The following NDST4 variants were observed in gnomAD, a reference collection of about 807,000 sequenced individuals.
NDST4 encodes the protein N-heparan sulfate sulfotransferase 4.
In NDST4, 63 loss-of-function variants were observed where a neutral mutation model predicts 100.8. The ratio of observed to expected loss-of-function variants is 0.62; its 90% CI spans 0.51 to 0.77. The LOEUF (loss-of-function observed/expected upper bound fraction) is 0.77. NDST4 is among the 30% of genes least tolerant of loss of function. NDST4 has a pLI of 0.00. For synonymous variants in NDST4, 377 were observed against 361.8 expected (o/e 1.04, Z -0.48); for missense variants, 943 against 1,018.4 (o/e 0.93, Z 1.01).
Position 115,076,277 on chromosome 4 carries a change from CAA to C in NDST4, c.758_759del (p.Phe253CysfsTer11). On this transcript the variant is annotated frameshift_variant, in exon 2 of 14. Coordinates refer to ENST00000264363, the MANE Select transcript of NDST4 (RefSeq NM_022569.3). LOFTEE classifies it high-confidence loss of function. ...SLSSLSSKTL[F>X]ATVIQDLGLH... Reference sequence around the variant, plus strand: ...AGCCCCAGATCCTGAATCACCGTTGCAAAGAGTGTTTTGCTAGACAAGGATGA... The same window carrying C: ...AGCCCCAGATCCTGAATCACCGTTGCAGAGTGTTTTGCTAGACAAGGATGA... 3 of 1,614,006 alleles carry C rather than the reference CAA, an allele frequency of 1.9e-6. No individual in the cohort carries two copies. The highest frequency in any genetic ancestry group is 1.1e-5 in the South Asian group (1 of 91,086).
chr4:114,850,656 C>A (rs1302355747), intron 8 of NDST4, among the ~76,000 whole-genome samples: 1 of 152,022 alleles, frequency 6.6e-6, no homozygotes, highest in Non-Finnish European at 1.5e-5. Context: ...TATATACAAT[C>A]AACTCCTCCT....
chr4:114,988,971 C>A (rs962306228), intron 2 of NDST4, among the ~76,000 whole-genome samples: 19 of 152,038 alleles, frequency 1.2e-4, no homozygotes, highest in African/African-American at 4.3e-4. Flanking sequence ...GCAGATAAAT[C>A]TTTTTCTTGT....
intron 4 of NDST4, among the ~76,000 whole-genome samples, chr4:114,949,328 A>G (rs2126231344): frequency 6.6e-6 from 1 of 152,236 alleles, no homozygotes; most frequent in African/African-American, 2.4e-5. Context: ...AAATAATTTA[A>G]GAGAAAAACT....
chr4:114,973,680 C>A (rs1244218544), intron 3 of NDST4, among the ~76,000 whole-genome samples: 2 of 151,548 alleles, frequency 1.3e-5, no homozygotes, highest in Admixed American at 6.6e-5. Flanking sequence ...TTTAAGTCTG[C>A]CAAAATAAGA....
intron 4 of NDST4, among the ~76,000 whole-genome samples, chr4:114,954,192 A>AT (rs140489781): frequency 0.026 from 3,961 of 152,120 alleles, 70 homozygotes; most frequent in Middle Eastern, 0.054. Flanking sequence ...TTTAAACTTA[A>AT]TTTTTTTGCC....
chr4:114,830,329 T>C (rs1723167997), intron 12 of NDST4, among the ~76,000 whole-genome samples: 2 of 152,210 alleles, frequency 1.3e-5, no homozygotes, highest in South Asian at 4.1e-4. Flanking sequence ...TTGAATGTAA[T>C]GTAGGTATAC....
In NDST4 at chr4:114,977,245, G is replaced by A; in HGVS notation, c.1008C>T (p.Arg336=). 6.2e-7 allele frequency: 1 copy of A among 1,609,712 alleles called. No individual in the cohort carries two copies. Among genetic ancestry groups the A allele is most frequent in the East Asian group, 2.2e-5 (1 of 44,746 alleles). The change falls in exon 3 of 14, where the codon CGC becomes CGT. Residue 336 remains arginine, a synonymous_variant. Transcript: ENST00000264363. The stretch of plus-strand genomic sequence containing the variant: ...TGAAGGTAAAATTTGCAACCTGAGT[G>A]CGCAGTAAATTTTGAGTCTCTAGTA... ...KALLETQNLL[R]TQVANFTFNL...
intron 10 of NDST4, among the ~76,000 whole-genome samples, 181 bp downstream of exon 10, chr4:114,845,642 G>T (rs140220018): frequency 6.6e-6 from 1 of 152,126 alleles, no homozygotes; most frequent in African/African-American, 2.4e-5. Flanking sequence ...GAAAGTCCTT[G>T]CCCAACTTGG....
chr4:115,024,625 T>C (rs560677497), intron 2 of NDST4, among the ~76,000 whole-genome samples: 1 of 152,296 alleles, frequency 6.6e-6, no homozygotes, highest in South Asian at 2.1e-4. Flanking sequence ...GAATGAATCA[T>C]GCCTTGAGTC....
intron 2 of NDST4, among the ~76,000 whole-genome samples, chr4:115,070,398 A>G (rs1322821033): frequency 6.6e-6 from 1 of 152,108 alleles, no homozygotes; most frequent in Non-Finnish European, 1.5e-5. Context: ...AATGACAGAT[A>G]CTGGAGGGTG....
chr4:115,071,311 CACACACACAT>C (rs1214675271), intron 2 of NDST4, among the ~76,000 whole-genome samples: 5 of 146,780 alleles, frequency 3.4e-5, no homozygotes, highest in African/African-American at 1.3e-4. Flanking sequence ...CACACACACA[CACACACACAT>C]TGATAGAGGG....
At chr4:114,918,365 A>G (rs113191082) in intron 6 of NDST4, among the ~76,000 whole-genome samples, 187 of 122,104 alleles carry the variant, frequency 1.5e-3, no homozygotes, top group African/African-American at 5.4e-3. Context: ...CCACAGGAAG[A>G]GGAATATCAC....
At chr4:115,034,888 T>C (rs1260524401) in intron 2 of NDST4, among the ~76,000 whole-genome samples, 1 of 152,132 alleles carries the variant, frequency 6.6e-6, no homozygotes, top group Non-Finnish European at 1.5e-5. Context: ...TTTCTTAGAA[T>C]TGTATTGCAA....
intron 9 of NDST4, among the ~76,000 whole-genome samples, chr4:114,847,288 A>G (rs1008489012): frequency 1.5e-5 from 2 of 130,704 alleles, no homozygotes; most frequent in Admixed American, 7.5e-5. Flanking sequence ...AGGCAGGAGA[A>G]TGGCGTGAAC....
At chr4:114,865,035 T>C (rs1217663822) in intron 7 of NDST4, among the ~76,000 whole-genome samples, 8 of 152,072 alleles carry the variant, frequency 5.3e-5, no homozygotes, top group African/African-American at 1.9e-4. Context: ...CAAGAGAAGG[T>C]GGCATATTTA....
chr4:115,064,540 C>A (rs893412675), intron 2 of NDST4, among the ~76,000 whole-genome samples: 1 of 152,030 alleles, frequency 6.6e-6, no homozygotes, highest in Non-Finnish European at 1.5e-5. Flanking sequence ...TTCCAAATTC[C>A]AAATTCCAGA....
intron 2 of NDST4, among the ~76,000 whole-genome samples, chr4:115,021,276 G>A (rs935625726): frequency 0.012 from 1,524 of 128,758 alleles, 37 homozygotes; most frequent in African/African-American, 0.044. Flanking sequence ...TATTCCACAT[G>A]TGTATTCCAC....
chr4:114,859,194 A>G (rs1157381883), intron 7 of NDST4, among the ~76,000 whole-genome samples: 1 of 152,194 alleles, frequency 6.6e-6, no homozygotes, highest in Non-Finnish European at 1.5e-5. Context: ...ACAAGAGGAG[A>G]GTCAGTGAGA....
At chr4:114,881,882 T>C (rs1481597338) in intron 6 of NDST4, among the ~76,000 whole-genome samples, 1 of 152,136 alleles carries the variant, frequency 6.6e-6, no homozygotes, top group Non-Finnish European at 1.5e-5. Context: ...TAAAATATGT[T>C]TACATATTGA....
Sources: allele counts gnomAD v4.1 joint callset (sites outside exome capture counted in the v4.1 genomes callset), GRCh38; gene constraint gnomAD v4.1.1; transcripts MANE v1.5; gene names NCBI Gene and HGNC (gene_info 2026-07-23, HGNC 2026-07-21).